DAB1: variants seen among roughly 807,000 people sequenced by gnomAD.
DAB1 encodes the protein disabled homolog 1.
A neutral mutation model predicts 64.6 loss-of-function variants in DAB1; 15 were observed. The ratio of observed to expected loss-of-function variants is 0.23; its 90% CI spans 0.16 to 0.36. DAB1 has a LOEUF of 0.36. Ranked by LOEUF, DAB1 falls within the 10% of genes least tolerant of loss-of-function variation. The pLI is 1.00. For missense variants in DAB1, 596 were observed against 706.7 expected (o/e 0.84, Z 1.78); for synonymous variants, 235 against 251.9 (o/e 0.93, Z 0.64).
At chr1:58,026,100 C>A (rs1394043094) in intron 5 of DAB1, among the ~76,000 whole-genome samples, 2 of 152,166 alleles carry the variant, frequency 1.3e-5, no homozygotes, top group African/African-American at 4.8e-5. Context: ...AGGGACTTCT[C>A]AAAAATCAAG....
intron 11 of DAB1, among the ~76,000 whole-genome samples, chr1:57,022,775 C>T (rs766217362): frequency 2.0e-5 from 3 of 152,210 alleles, no homozygotes; most frequent in Non-Finnish European, 4.4e-5. Flanking sequence ...AAGAAAACCA[C>T]AAAACCCTTT....
chr1:57,581,570 G>A (rs1645312033), intron 7 of DAB1, among the ~76,000 whole-genome samples: 1 of 151,912 alleles, frequency 6.6e-6, no homozygotes, highest in South Asian at 2.1e-4. Context: ...TAAAGATGGT[G>A]GCACTGACCT....
At chr1:57,949,165 G>A (rs1054054580) in intron 5 of DAB1, among the ~76,000 whole-genome samples, 1 of 151,886 alleles carries the variant, frequency 6.6e-6, no homozygotes, top group African/African-American at 2.4e-5. Flanking sequence ...TATTTCCATG[G>A]GGGGGGCTGG....
chr1:58,077,202 T>C (rs1270023300), intron 5 of DAB1, among the ~76,000 whole-genome samples: 1 of 152,092 alleles, frequency 6.6e-6, no homozygotes, highest in Non-Finnish European at 1.5e-5. Context: ...CAGTCACAAG[T>C]ACACTCATAT....
chr1:57,880,510 A>T (rs1240031160), intron 1 of DAB1: 1 of 152,164 alleles, frequency 6.6e-6, no homozygotes, highest in Non-Finnish European at 1.5e-5. Flanking sequence ...TCACCTCCTC[A>T]GTGAAGCCTT....
chr1:57,841,224 G>A (rs759135337), intron 1 of DAB1, among the ~76,000 whole-genome samples: 2 of 152,226 alleles, frequency 1.3e-5, no homozygotes, highest in East Asian at 3.9e-4. Context: ...GATGCAAGAA[G>A]TAGGTTCCCA....
chr1:57,281,241 A>G (rs374856922), intron 2 of DAB1, among the ~76,000 whole-genome samples: 3 of 152,308 alleles, frequency 2.0e-5, no homozygotes, highest in African/African-American at 7.2e-5. Context: ...TAAATAATGG[A>G]GAAAATGCAA....
chr1:57,638,772 A>G (rs914207818), intron 7 of DAB1, among the ~76,000 whole-genome samples: 1 of 151,900 alleles, frequency 6.6e-6, no homozygotes, highest in African/African-American at 2.4e-5. Context: ...AAGAAATGGT[A>G]TGGAAAGAGT....
chr1:57,696,535 A>C (rs556149655), intron 6 of DAB1, among the ~76,000 whole-genome samples: 2 of 152,314 alleles, frequency 1.3e-5, no homozygotes, highest in East Asian at 3.9e-4. Context: ...TGTGCCAGTG[A>C]CAGTGCCTAG....
intron 7 of DAB1, among the ~76,000 whole-genome samples, chr1:57,546,900 T>C (rs1030474614): frequency 6.6e-6 from 1 of 152,194 alleles, no homozygotes; most frequent in African/African-American, 2.4e-5. Flanking sequence ...GTAAGGATGT[T>C]AATAGTGATG....
At chr1:57,212,686 G>C (rs1182919618) in intron 2 of DAB1, among the ~76,000 whole-genome samples, 2 of 152,044 alleles carry the variant, frequency 1.3e-5, no homozygotes, top group Non-Finnish European at 2.9e-5. Flanking sequence ...TATTTACAAA[G>C]CACATTCATA....
chr1:57,866,805 C>T (rs924661645), intron 1 of DAB1, among the ~76,000 whole-genome samples: 2 of 152,016 alleles, frequency 1.3e-5, no homozygotes, highest in Non-Finnish European at 2.9e-5. Flanking sequence ...CATGCTGTGC[C>T]CTTCCTTCTT....
chr1:58,419,560 A>C (rs1468776259), intron 3 of DAB1, among the ~76,000 whole-genome samples: 3 of 152,118 alleles, frequency 2.0e-5, no homozygotes, highest in Non-Finnish European at 4.4e-5. Flanking sequence ...CTCTTCCCTT[A>C]CACTGTCAGG....
intron 5 of DAB1, among the ~76,000 whole-genome samples, chr1:58,020,115 C>T (rs1646795278): frequency 6.6e-6 from 1 of 152,276 alleles, no homozygotes; most frequent in East Asian, 1.9e-4. Flanking sequence ...AATTATTATT[C>T]TGCATTAAGA....
chr1:58,181,251 A>G (rs1054307738), intron 4 of DAB1, among the ~76,000 whole-genome samples: 7 of 152,092 alleles, frequency 4.6e-5, no homozygotes, highest in Non-Finnish European at 8.8e-5. Context: ...TTTCTTTGAT[A>G]TTAGTATGAT....
chr1:58,078,998 C>T (rs1649819702), intron 5 of DAB1, among the ~76,000 whole-genome samples: 1 of 152,174 alleles, frequency 6.6e-6, no homozygotes, highest in Admixed American at 6.5e-5. Flanking sequence ...GAATAACTCA[C>T]AGGATCAAGA....
At position 57,746,312 on chromosome 1, in the gene DAB1, A is replaced by C. The variant is rs376086006; in HGVS notation, n.552-96647T>G. On this transcript the variant is annotated intron_variant and non_coding_transcript_variant, in intron 6 of 20. Transcript: ENST00000485760. The stretch of plus-strand genomic sequence containing the variant: ...CTCTTTAAGGGTATATTATCAATGT[A>C]TATTTCTTCATTTTTTTTCTGGATA... 3.9e-5 allele frequency among the ~76,000 whole-genome samples: 6 copies of C among 152,248 alleles called. 1 individual carries two copies. Among genetic ancestry groups the C allele is most frequent in the East Asian group, 3.9e-4 (2 of 5,186 alleles).
At chr1:58,269,347 T>C (rs1238540919) in intron 4 of DAB1, among the ~76,000 whole-genome samples, 2 of 151,216 alleles carry the variant, frequency 1.3e-5, no homozygotes, top group African/African-American at 2.4e-5. Flanking sequence ...CATGAACTCA[T>C]CATTTTTTAT....
intron 6 of DAB1, among the ~76,000 whole-genome samples, chr1:57,725,189 C>G (rs866593689): frequency 6.6e-6 from 1 of 152,176 alleles, no homozygotes; most frequent in Non-Finnish European, 1.5e-5. Context: ...CACTATGAAC[C>G]ATGACATACC....
Sources: allele counts gnomAD v4.1 joint callset (sites outside exome capture counted in the v4.1 genomes callset), GRCh38; gene constraint gnomAD v4.1.1; transcripts MANE v1.5; gene names NCBI Gene and HGNC (gene_info 2026-07-23, HGNC 2026-07-21).